The following FMO4 variants were observed in gnomAD, a reference collection of about 807,000 sequenced individuals.
FMO4 encodes dimethylaniline monooxygenase [N-oxide-forming] 4.
FMO4 carries 38 observed loss-of-function variants against 43.3 expected under a neutral mutation model. The ratio of observed to expected loss-of-function variants is 0.88; its 90% confidence interval spans 0.68 to 1.15. The LOEUF is 1.15. FMO4 is among the 50% of genes most tolerant of loss of function. FMO4 has a pLI of 0.00. For synonymous variants in FMO4, 224 were observed against 232.2 expected (o/e 0.96, Z 0.32); for missense variants, 631 against 663.3 (o/e 0.95, Z 0.54).
intron 6 of FMO4, 97 bp from the exon 7 acceptor site, chr1:171,332,612 G>T: frequency 1.0e-6 from 1 of 969,974 alleles, no homozygotes; most frequent in South Asian, 1.5e-5. Flanking sequence ...GTTGTTAAAA[G>T]ACCAGACTGG....
At chr1:171,324,412 A>C in intron 5 of FMO4, 112 bp downstream of exon 5, 1 of 773,062 alleles carries the variant, frequency 1.3e-6, no homozygotes, top group South Asian at 2.6e-5. Flanking sequence ...CTTTATATTC[A>C]TTCTCAAAAA....
chr1:171,323,586 C>T (rs994141082), intron 4 of FMO4, among the ~76,000 whole-genome samples: 2 of 152,124 alleles, frequency 1.3e-5, no homozygotes, highest in African/African-American at 4.8e-5. Flanking sequence ...ATTGCTTGAA[C>T]CTGGGAGGCA....
intron 5 of FMO4, among the ~76,000 whole-genome samples, chr1:171,326,560 A>G (rs1662677602): frequency 6.6e-6 from 1 of 152,266 alleles, no homozygotes; most frequent in Non-Finnish European, 1.5e-5. Flanking sequence ...AACAGGGAAC[A>G]AGGAGTGCAC....
intron 5 of FMO4, among the ~76,000 whole-genome samples, chr1:171,327,062 T>G (rs984863078): frequency 1.3e-5 from 2 of 152,214 alleles, no homozygotes; most frequent in African/African-American, 4.8e-5. Flanking sequence ...TGAGGCAATA[T>G]GAAAGATATA....
chr1:171,337,996 AAT>A (rs1173347809), intron 9 of FMO4, among the ~76,000 whole-genome samples: 1 of 152,038 alleles, frequency 6.6e-6, no homozygotes, highest in African/African-American at 2.4e-5. Flanking sequence ...TCTCAAATTT[AAT>A]ATGTCTAAAA....
chr1:171,314,305 T>C lies in FMO4; in HGVS notation c.-259T>C, dbSNP rs1662111496. Reference sequence around the variant, plus strand: ...AAGTCATCTTTCCATTTATTTTTCTTTCAGAAAAAAGAATTTGGGTTTTGA... The same window carrying C: ...AAGTCATCTTTCCATTTATTTTTCTCTCAGAAAAAAGAATTTGGGTTTTGA... On this transcript the variant is annotated 5_prime_UTR_variant, in exon 1 of 10. Transcript: ENST00000367749. The C allele has an allele frequency of 6.6e-6, 1 of 151,592 alleles. No homozygotes were observed. Among genetic ancestry groups the C allele is most frequent in the South Asian group, 2.1e-4 (1 of 4,786 alleles). The allele number at this position is 151,592 out of a possible 1,614,324, so 9.4% of individuals were successfully genotyped here. A position where few individuals can be genotyped will look rare whatever the true frequency, so the allele number is the denominator to read the frequency against.
intron 8 of FMO4, among the ~76,000 whole-genome samples, chr1:171,336,644 C>T (rs1428229249): frequency 6.6e-6 from 1 of 152,072 alleles, no homozygotes; most frequent in South Asian, 2.1e-4. Flanking sequence ...CACTCCATTG[C>T]CCAGGCTGGA....
rs1353341129 is a variant in FMO4, at chr1:171,319,833, A to G, written c.8A>G (p.Lys3Arg). The G allele has an allele frequency of 3.7e-6, 6 of 1,613,730 alleles. No homozygotes were observed. In the East Asian group the frequency reaches 8.9e-5, roughly 24 times the overall value. Residue 3 changes from lysine to arginine, a missense_variant, in exon 3 of 10, where the codon AAG (lysine) becomes AGG (arginine). Transcript: ENST00000367749. ...CCTCTAACAGAGCATACCATGGCCAAGAAAGTTGCAGTGATTGGAGCTGGT... is the reference window on the plus strand; with the variant it reads ...CCTCTAACAGAGCATACCATGGCCAGGAAAGTTGCAGTGATTGGAGCTGGT... MAKKVAVIGAGVS... is the reference protein window; with the variant it reads MARKVAVIGAGVS...
At chr1:171,335,794 G>A (rs1272427274) in intron 8 of FMO4, among the ~76,000 whole-genome samples, 1 of 152,018 alleles carries the variant, frequency 6.6e-6, no homozygotes, top group African/African-American at 2.4e-5. Flanking sequence ...TTACATTACA[G>A]AAAAAAATCC....
At chr1:171,339,434 A>G (rs878899645) in intron 9 of FMO4, among the ~76,000 whole-genome samples, 2 of 152,318 alleles carry the variant, frequency 1.3e-5, no homozygotes, top group Non-Finnish European at 1.5e-5. Context: ...AAGGTATTCC[A>G]TACATACAAT....
rs139289046 is a variant in FMO4 at position 171,334,799 on chromosome 1, C to T, written c.1180+36C>T. On this transcript the variant is annotated intron_variant, in intron 8 of 9. Transcript: ENST00000367749. ...TCTACTGAAAGTCCTCTCTTTGGAT[C>T]GTAAAATTGGTGCCCTGCCATTTAG... The T allele has an allele frequency of 7.7e-5, 98 of 1,275,922 alleles. No homozygotes were observed. In the Middle Eastern group the frequency reaches 1.2e-3, roughly 15 times the overall value. The allele number at this position is 1,275,922 out of a possible 1,614,324, so 79.0% of individuals were successfully genotyped here.
intron 5 of FMO4, among the ~76,000 whole-genome samples, chr1:171,324,633 A>T (rs1005899584): frequency 1.3e-5 from 2 of 152,210 alleles, no homozygotes; most frequent in African/African-American, 2.4e-5. Flanking sequence ...AGGTAATTTG[A>T]ATCAGGACTG....
rs1663395317 is a variant in FMO4, at chr1:171,341,934, G to A, written c.*95G>A. On this transcript the variant is annotated 3_prime_UTR_variant, in exon 10 of 10. Coordinates refer to ENST00000367749, the MANE Select transcript of FMO4 (RefSeq NM_002022.3). Reference sequence around the variant, plus strand: ...CTGCTCTCCATCATAACTGCTATTAGCCAAATTCAGGCCCAGTCATCTCCT... The same window carrying A: ...CTGCTCTCCATCATAACTGCTATTAACCAAATTCAGGCCCAGTCATCTCCT... 1 of 915,226 alleles carries A rather than the reference G, an allele frequency of 1.1e-6. No individual in the cohort carries two copies. Among genetic ancestry groups the A allele is most frequent in the African/African-American group, 1.7e-5 (1 of 60,188 alleles). 56.7% of individuals were successfully genotyped at this position (915,226 alleles called of 1,614,324 possible). A position where few individuals can be genotyped will look rare whatever the true frequency, so the allele number is the denominator to read the frequency against.
chr1:171,324,358 T>C, intron 5 of FMO4, 58 bp downstream of exon 5: 1 of 1,391,538 alleles, frequency 7.2e-7, no homozygotes, highest in Non-Finnish European at 9.8e-7. Context: ...AGAAGTAAAC[T>C]TATTGATTTG....
intron 9 of FMO4, among the ~76,000 whole-genome samples, chr1:171,340,585 G>A (rs938780043): frequency 5.9e-5 from 9 of 152,178 alleles, no homozygotes; most frequent in Admixed American, 5.2e-4. Context: ...TTCCTGACTT[G>A]AGTGTTCCTT....
intron 9 of FMO4, among the ~76,000 whole-genome samples, chr1:171,340,514 G>A (rs945210795): frequency 3.3e-5 from 5 of 152,166 alleles, no homozygotes; most frequent in African/African-American, 9.7e-5. Flanking sequence ...TGAAGCAGTC[G>A]TCGCTTTGGC....
chr1:171,324,853 G>A (rs1019619426), intron 5 of FMO4, among the ~76,000 whole-genome samples: 11 of 152,148 alleles, frequency 7.2e-5, no homozygotes, highest in South Asian at 2.1e-4. Flanking sequence ...TGGGCATAGC[G>A]GTTCATACCT....
At position 171,315,727 on chromosome 1, in the gene FMO4, T is replaced by G. The variant is rs12082899; in HGVS notation, c.-150-459T>G. On this transcript the variant is annotated intron_variant, in intron 1 of 9. Coordinates refer to ENST00000367749, the MANE Select transcript of FMO4 (RefSeq NM_002022.3). ...TATAGTCTGTAAATACGGATTAATT[T>G]TAAAAGGTGCTAATTCCCAATTTGT... is the stretch of plus-strand genomic sequence containing the variant. Among the ~76,000 whole-genome samples, 446 of 152,282 alleles carry G rather than the reference T, an allele frequency of 2.9e-3. 2 individuals carry two copies. The highest frequency in any genetic ancestry group is 0.01 in the African/African-American group (426 of 41,548).
chr1:171,315,031 C>A (rs1409809695), intron 1 of FMO4, among the ~76,000 whole-genome samples: 1 of 152,152 alleles, frequency 6.6e-6, no homozygotes, highest in East Asian at 1.9e-4. Flanking sequence ...GTGGCTCACG[C>A]CTGTAATCCC....
Sources: gnomAD v4.1 joint callset for allele counts (sites outside exome capture counted in the v4.1 genomes callset) on GRCh38, gnomAD v4.1.1 for gene constraint, MANE v1.5 for transcripts, NCBI Gene and HGNC (gene_info 2026-07-23, HGNC 2026-07-21) for gene names.